CSMD1: variants seen among roughly 807,000 people sequenced by gnomAD.
The protein encoded by CSMD1 is CUB and Sushi multiple domains 1.
CSMD1 carries 213 observed loss-of-function variants against 417.5 expected under a neutral mutation model. That is an observed-to-expected ratio of 0.51 (90% CI 0.46 to 0.57). The LOEUF (loss-of-function observed/expected upper bound fraction) is 0.57. Among genes scored for constraint, CSMD1 ranks in the 20% least tolerant of loss-of-function variants. The pLI is 0.00. For synonymous variants in CSMD1, 2,862 were observed against 1,736.8 expected, an observed-to-expected ratio of 1.65 and a Z score of -16.11; for missense variants, 6,923 against 4,529.7, an observed-to-expected ratio of 1.53 and a Z score of -15.17.
intron 1 of CSMD1, among the ~76,000 whole-genome samples, chr8:4,719,379 C>G (rs111543245): frequency 0.01 from 1,588 of 152,254 alleles, 27 homozygotes; most frequent in African/African-American, 0.036. Flanking sequence ...CATTCTCTTT[C>G]TCTCCCTCCC....
At chr8:4,002,202 T>C (rs1266962151) in intron 4 of CSMD1, among the ~76,000 whole-genome samples, 2 of 151,338 alleles carry the variant, frequency 1.3e-5, no homozygotes, top group Non-Finnish European at 3.0e-5. Context: ...TTGGTGCCTG[T>C]GAGTGTGTGT....
At position 4,535,544 on chromosome 8, in the gene CSMD1, G is replaced by C. The variant is rs1046773061; in HGVS notation, c.302+101798C>G. On this transcript the variant is annotated intron_variant, in intron 2 of 69. Transcript: ENST00000635120. ...TGTTCAAATTTTTTATCTTGTAACA[G>C]TAAGAGCTCTCCAAGTTACTCGTAG... is the stretch of plus-strand genomic sequence containing the variant. 2.6e-5 allele frequency among the ~76,000 whole-genome samples: 4 copies of C among 152,162 alleles called. No homozygotes were observed. In the East Asian group the frequency reaches 5.8e-4, roughly 22 times the overall value.
At position 4,799,598 on chromosome 8, in the gene CSMD1, C is replaced by CAAAAAAAAAA; in HGVS notation, c.86-162050_86-162041dup. ...TGTGTGAGAGAGCAAGACTCCGTCT[C>CAAAAAAAAAA]AAAAAAAAAAAAAAAAAAAAAAAAA... is the stretch of plus-strand genomic sequence containing the variant. On this transcript the variant is annotated intron_variant, in intron 1 of 69. Coordinates refer to ENST00000635120, the MANE Select transcript of CSMD1 (RefSeq NM_033225.6). 1.3e-3 allele frequency among the ~76,000 whole-genome samples: 63 copies of CAAAAAAAAAA among 47,170 alleles called. 2 individuals are homozygous for CAAAAAAAAAA. The highest frequency in any genetic ancestry group is 2.0e-3 in the Admixed American group (5 of 2,548). The allele number at this position is 47,170 out of a possible 152,430, so 30.9% of individuals were successfully genotyped here.
intron 49 of CSMD1, among the ~76,000 whole-genome samples, chr8:3,075,868 T>C (rs1284298686): frequency 3.1e-4 from 46 of 148,698 alleles, no homozygotes; most frequent in Admixed American, 7.3e-4. Context: ...GGGGAAACAC[T>C]GTCTCTACTA....
At chr8:4,306,762 G>A (rs778235572) in intron 3 of CSMD1, among the ~76,000 whole-genome samples, 1 of 152,088 alleles carries the variant, frequency 6.6e-6, no homozygotes, top group South Asian at 2.1e-4. Context: ...TAGTGTTCTG[G>A]TGCGAGTCCA....
chr8:3,465,640 T>A (rs915109284), intron 12 of CSMD1, among the ~76,000 whole-genome samples: 4 of 152,202 alleles, frequency 2.6e-5, no homozygotes, highest in African/African-American at 9.7e-5. Context: ...CGAAATATTT[T>A]ACACTACTCA....
chr8:3,375,905 G>A (rs935178951), intron 18 of CSMD1, among the ~76,000 whole-genome samples: 1 of 152,026 alleles, frequency 6.6e-6, no homozygotes. Context: ...ATTTCTTCAC[G>A]TTGAAACATG....
chr8:3,907,694 G>A (rs1057053282), intron 5 of CSMD1, among the ~76,000 whole-genome samples: 1 of 152,124 alleles, frequency 6.6e-6, no homozygotes, highest in Admixed American at 6.5e-5. Context: ...GAGCAATGTG[G>A]ACTTCTGTGG....
At chr8:3,504,683 T>C (rs1358030418) in intron 10 of CSMD1, among the ~76,000 whole-genome samples, 4 of 152,212 alleles carry the variant, frequency 2.6e-5, no homozygotes, top group African/African-American at 4.8e-5. Context: ...TCTTATCTTT[T>C]GAATTCCCGG....
At position 4,276,740 on chromosome 8, in the gene CSMD1, T is replaced by C. The variant is rs967451314; in HGVS notation, c.415+143213A>G. On this transcript the variant is annotated intron_variant, in intron 3 of 69. Transcript: ENST00000635120. ...TTTAATAAATAAAAGGAAATGTATA[T>C]GTGTTTTGATGTTTCTGTGTAGAAG... is the stretch of plus-strand genomic sequence containing the variant. 3.3e-5 allele frequency among the ~76,000 whole-genome samples: 5 copies of C among 152,186 alleles called. No individual in the cohort carries two copies. The East Asian group carries it at 5.8e-4, about 18-fold the overall frequency.
At chr8:4,374,249 C>A (rs538801457) in intron 3 of CSMD1, among the ~76,000 whole-genome samples, 1 of 152,088 alleles carries the variant, frequency 6.6e-6, no homozygotes, top group Non-Finnish European at 1.5e-5. Flanking sequence ...CCATCACTAA[C>A]GTGTGAGTTA....
intron 5 of CSMD1, among the ~76,000 whole-genome samples, chr8:3,955,507 C>A (rs991465375): frequency 6.6e-6 from 1 of 152,168 alleles, no homozygotes; most frequent in Non-Finnish European, 1.5e-5. Flanking sequence ...ATGTTTGAAG[C>A]TGTCAGCCAA....
At chr8:4,593,536 GACTATTTGTAGC>G (rs1800097170) in intron 2 of CSMD1, among the ~76,000 whole-genome samples, 1 of 152,070 alleles carries the variant, frequency 6.6e-6, no homozygotes, top group African/African-American at 2.4e-5. Context: ...CCCATAAAGT[GACTATTTGTAGC>G]ACTTAATATT....
intron 3 of CSMD1, among the ~76,000 whole-genome samples, chr8:4,292,363 C>T (rs552179356): frequency 5.3e-5 from 8 of 152,190 alleles, no homozygotes; most frequent in African/African-American, 1.9e-4. Context: ...CGCCTTTCTC[C>T]TGCCTCAGCC....
intron 1 of CSMD1, among the ~76,000 whole-genome samples, chr8:4,878,977 G>T (rs547523279): frequency 6.6e-6 from 1 of 151,910 alleles, no homozygotes; most frequent in Non-Finnish European, 1.5e-5. Flanking sequence ...GCAGGGAGAG[G>T]GGTCATGGGA....
chr8:3,688,064 G>C (rs901224523), intron 7 of CSMD1, among the ~76,000 whole-genome samples: 3 of 152,166 alleles, frequency 2.0e-5, no homozygotes, highest in Non-Finnish European at 1.5e-5. Flanking sequence ...TCTGCTTTTT[G>C]TTCCTCAGGA....
chr8:4,520,102 T>C (rs1803358553), intron 2 of CSMD1, among the ~76,000 whole-genome samples: 1 of 152,188 alleles, frequency 6.6e-6, no homozygotes, highest in African/African-American at 2.4e-5. Context: ...AGTCATGATG[T>C]TCTGGTTTTT....
intron 2 of CSMD1, among the ~76,000 whole-genome samples, chr8:4,542,812 GATT>G (rs1175120067): frequency 6.6e-6 from 1 of 151,974 alleles, no homozygotes; most frequent in African/African-American, 2.4e-5. Context: ...AATATAACAT[GATT>G]ATATTATTAA....
intron 3 of CSMD1, among the ~76,000 whole-genome samples, chr8:4,125,503 T>C (rs927956563): frequency 9.8e-5 from 15 of 152,302 alleles, no homozygotes; most frequent in South Asian, 6.2e-4. Flanking sequence ...TGGGTACACG[T>C]CGGCCGGACC....
Sources: allele counts gnomAD v4.1 joint callset (sites outside exome capture counted in the v4.1 genomes callset), GRCh38; gene constraint gnomAD v4.1.1; transcripts MANE v1.5; gene names NCBI Gene and HGNC (gene_info 2026-07-23, HGNC 2026-07-21).